Variants in TRAK1 observed in about 807,000 individuals in gnomAD.
The protein encoded by TRAK1 is trafficking kinesin protein 1.
TRAK1 carries 33 observed loss-of-function variants against 92.1 expected under a neutral mutation model. The observed-to-expected ratio is 0.36, with a 90% confidence interval of 0.27 to 0.48. TRAK1 has a LOEUF of 0.48. TRAK1 is among the 20% of genes least tolerant of loss of function. TRAK1 has a pLI of 0.99. For synonymous variants in TRAK1, 521 were observed against 517.3 expected (o/e 1.01, Z -0.10); for missense variants, 1,123 against 1,257.9 (o/e 0.89, Z 1.62).
intron 1 of TRAK1, among the ~76,000 whole-genome samples, chr3:42,023,331 A>G (rs961420832): frequency 6.6e-6 from 1 of 152,198 alleles, no homozygotes; most frequent in Non-Finnish European, 1.5e-5. Context: ...CTCAAGTTGC[A>G]TCCACATTAG....
chr3:42,030,714 A>G (rs1415405428), intron 1 of TRAK1, among the ~76,000 whole-genome samples: 2 of 8,940 alleles, frequency 2.2e-4, no homozygotes, highest in Non-Finnish European at 3.1e-3. Flanking sequence ...ATATATATAT[A>G]TATATATATA....
chr3:42,037,705 C>A (rs183145154), intron 1 of TRAK1, among the ~76,000 whole-genome samples: 2 of 152,332 alleles, frequency 1.3e-5, no homozygotes, highest in East Asian at 3.9e-4. Flanking sequence ...GAGGAAGTCT[C>A]GTGACCTGTG....
At chr3:42,017,377 A>T (rs1038577259) in intron 1 of TRAK1, among the ~76,000 whole-genome samples, 1 of 152,118 alleles carries the variant, frequency 6.6e-6, no homozygotes, top group African/African-American at 2.4e-5. Flanking sequence ...AAAGATGGAG[A>T]TAGAACCCAA....
At chr3:42,197,249 C>A (rs1419609998) in intron 10 of TRAK1, among the ~76,000 whole-genome samples, 3 of 151,926 alleles carry the variant, frequency 2.0e-5, no homozygotes, top group Non-Finnish European at 4.4e-5. Flanking sequence ...GGGATTGGTT[C>A]CAGGACCCCC....
intron 2 of TRAK1, among the ~76,000 whole-genome samples, chr3:42,127,995 G>A (rs1182452500): frequency 1.3e-5 from 2 of 151,990 alleles, no homozygotes; most frequent in African/African-American, 2.4e-5. Context: ...CCTGACCAAC[G>A]TGGAGAAACC....
chr3:42,194,939 A>G lies in TRAK1; in HGVS notation c.1111A>G (p.Met371Val), dbSNP rs144710739. Reference sequence around the variant, plus strand: ...CTACCACTCACTGGGCCTGTTTCCCATGGTGAGCTGTGCTTTCTTCCCAGC... The same window carrying G: ...CTACCACTCACTGGGCCTGTTTCCCGTGGTGAGCTGTGCTTTCTTCCCAGC... ...RRYHSLGLFP[M>V]DSLAAEIEGT... Residue 371 changes from methionine (M) to valine (V), a missense_variant and splice_region_variant, in exon 10 of 16, where the codon ATG becomes GTG. Transcript: ENST00000327628. The G allele has an allele frequency of 1.9e-6, 3 of 1,613,600 alleles. No homozygotes were observed. Among genetic ancestry groups the G allele is most frequent in the East Asian group, 2.2e-5 (1 of 44,866 alleles).
chr3:42,090,715 A>C (rs1704979109), upstream of TRAK1, among the ~76,000 whole-genome samples: 1 of 152,136 alleles, frequency 6.6e-6, no homozygotes, highest in Non-Finnish European at 1.5e-5. Flanking sequence ...AACAAAAAAC[A>C]CAACAAAGAA....
chr3:42,104,946 A>T (rs1707313601), intron 1 of TRAK1, among the ~76,000 whole-genome samples: 1 of 137,952 alleles, frequency 7.2e-6, no homozygotes, highest in Non-Finnish European at 1.5e-5. Context: ...AGAAGCTAAA[A>T]ATCTTTTTTT....
rs542075765 is a variant in TRAK1, at chr3:42,018,107, A to G, written c.-519+3990A>G. Among the ~76,000 whole-genome samples the G allele has an allele frequency of 4.6e-3, 642 of 139,950 alleles. 8 individuals carry two copies. Among genetic ancestry groups the G allele is most frequent in the Middle Eastern group, 0.014 (4 of 284 alleles). 91.8% of individuals were successfully genotyped at this position (139,950 alleles called of 152,430 possible). ...TGTTACAAAAAAAAAAAAAAAAAAG[A>G]CAAAAGAAAAATTAGTCAGGTGTGG... On this transcript the variant is annotated intron_variant, in intron 1 of 16. Transcript: ENST00000487159.
intron 1 of TRAK1, among the ~76,000 whole-genome samples, chr3:42,067,800 GTA>G (rs1703743280): frequency 6.6e-6 from 1 of 151,248 alleles, no homozygotes; most frequent in Non-Finnish European, 1.5e-5. Flanking sequence ...GGCCTATCAC[GTA>G]GTTAGTTTTT....
Position 42,093,168 on chromosome 3 carries a change from A to G in TRAK1, c.91+1608A>G, listed in dbSNP as rs555063726. Among the ~76,000 whole-genome samples, 4 of 152,312 alleles carry G rather than the reference A, an allele frequency of 2.6e-5. No individual in the cohort carries two copies. In the East Asian group the frequency reaches 7.7e-4, roughly 29 times the overall value. The stretch of plus-strand genomic sequence containing the variant: ...AGTGAGAAAATGTAAATTACAATGT[A>G]GGGAATAACACATATTTTCTAAATG... On this transcript the variant is annotated intron_variant, in intron 1 of 15. Transcript: ENST00000327628.
At chr3:42,098,871 C>G (rs1405631819) in intron 1 of TRAK1, among the ~76,000 whole-genome samples, 2 of 152,004 alleles carry the variant, frequency 1.3e-5, no homozygotes, top group African/African-American at 4.8e-5. Context: ...CCGTGAAAGT[C>G]CCACGAGAGT....
At chr3:42,049,658 C>T (rs75136583) in intron 1 of TRAK1, among the ~76,000 whole-genome samples, 1 of 151,964 alleles carries the variant, frequency 6.6e-6, no homozygotes, top group African/African-American at 2.4e-5. Context: ...CTCATTCTTT[C>T]ATTTGTTTGG....
intron 1 of TRAK1, among the ~76,000 whole-genome samples, chr3:42,055,644 TG>T (rs2148919197): frequency 6.6e-6 from 1 of 152,302 alleles, no homozygotes; most frequent in East Asian, 1.9e-4. Context: ...TTAATTTTTT[TG>T]TAAAGATGGA....
chr3:42,157,210 G>A (rs1352428497), intron 2 of TRAK1, among the ~76,000 whole-genome samples: 1 of 151,042 alleles, frequency 6.6e-6, no homozygotes, highest in African/African-American at 2.4e-5. Context: ...TGTAATCCCA[G>A]CACTTTGGGA....
At position 42,202,775 on chromosome 3, in the gene TRAK1, C is replaced by A. The variant is rs1320802726; in HGVS notation, c.1744+23C>A. 1 of 1,611,766 alleles carries A rather than the reference C, an allele frequency of 6.2e-7. No individual in the cohort carries two copies. Among genetic ancestry groups the A allele is most frequent in the African/African-American group, 1.3e-5 (1 of 74,904 alleles). On this transcript the variant is annotated intron_variant, in intron 13 of 15. Coordinates refer to ENST00000327628, the MANE Select transcript of TRAK1 (RefSeq NM_001042646.3). The surrounding 1 kb of genome is among the most constrained non-coding windows in gnomAD (Gnocchi z 6.1). ...AAGGTGATCACGCGGGGCCTCGGCC[C>A]CTCTCTGTCCTCCTGGGGGACTCCC... is the stretch of plus-strand genomic sequence containing the variant.
chr3:42,105,355 A>T (rs1707384957), intron 1 of TRAK1, among the ~76,000 whole-genome samples: 1 of 152,248 alleles, frequency 6.6e-6, no homozygotes, highest in South Asian at 2.1e-4. Flanking sequence ...CCATGGCACG[A>T]GAACTATGTG....
At chr3:42,025,826 T>C (rs139423123) in intron 1 of TRAK1, among the ~76,000 whole-genome samples, 1 of 152,214 alleles carries the variant, frequency 6.6e-6, no homozygotes, top group Non-Finnish European at 1.5e-5. Flanking sequence ...TTAAAGTCCG[T>C]GGCAGATGTT....
chr3:42,040,343 T>G (rs1702485715), intron 1 of TRAK1, among the ~76,000 whole-genome samples: 1 of 152,208 alleles, frequency 6.6e-6, no homozygotes, highest in Non-Finnish European at 1.5e-5. Context: ...CAGGGCTAAC[T>G]CATAGGCATT....
Sources: gnomAD v4.1 joint callset for allele counts (sites outside exome capture counted in the v4.1 genomes callset) on GRCh38, gnomAD v4.1.1 for gene constraint, Gnocchi (gnomAD v3.1) non-coding constraint, MANE v1.5 for transcripts, NCBI Gene and HGNC (gene_info 2026-07-23, HGNC 2026-07-21) for gene names.